SCHIP1: variants seen among roughly 807,000 people sequenced by gnomAD.
SCHIP1 encodes the protein schwannomin-interacting protein 1.
SCHIP1 carries 8 observed loss-of-function variants against 29.7 expected under a neutral mutation model. That is an observed-to-expected ratio of 0.27 (90% CI 0.16 to 0.49). The LOEUF (loss-of-function observed/expected upper bound fraction) is 0.49. Ranked by LOEUF, SCHIP1 falls within the 20% of genes least tolerant of loss-of-function variation. SCHIP1 has a pLI of 0.99. For missense variants in SCHIP1, 193 were observed against 294.6 expected (o/e 0.66, Z 2.52); for synonymous variants, 76 against 94.9 (o/e 0.80, Z 1.16).
the SCHIP1 span, among the ~76,000 whole-genome samples, chr3:159,467,036 T>C: frequency 1.3e-5 from 2 of 152,250 alleles, no homozygotes; most frequent in South Asian, 4.1e-4. Context: ...TTCCTGTTAA[T>C]ATAAAACCTC....
the SCHIP1 span, among the ~76,000 whole-genome samples, chr3:159,521,415 A>G: frequency 2.0e-5 from 3 of 152,246 alleles, no homozygotes; most frequent in Non-Finnish European, 4.4e-5. Context: ...TTAAAATCAG[A>G]AGAAAAAATC....
the SCHIP1 span, among the ~76,000 whole-genome samples, chr3:159,657,085 T>G: frequency 6.6e-6 from 1 of 152,212 alleles, no homozygotes; most frequent in Non-Finnish European, 1.5e-5. Flanking sequence ...TGGTTTCCCC[T>G]GTACTACCAC....
At chr3:159,341,641 G>T in the SCHIP1 span, among the ~76,000 whole-genome samples, 2 of 152,146 alleles carry the variant, frequency 1.3e-5, no homozygotes, top group Non-Finnish European at 2.9e-5. Context: ...TGAAGGGTTT[G>T]CCACTTTCTC....
intron 2 of SCHIP1, among the ~76,000 whole-genome samples, chr3:159,874,394 C>T (rs962076652): frequency 1.3e-5 from 2 of 152,152 alleles, no homozygotes; most frequent in Non-Finnish European, 2.9e-5. Flanking sequence ...ATCACCCAAT[C>T]AAAACTCATT....
chr3:159,787,113 A>C, the SCHIP1 span, among the ~76,000 whole-genome samples: 1 of 152,204 alleles, frequency 6.6e-6, no homozygotes, highest in African/African-American at 2.4e-5. Context: ...TTTAGTAAAA[A>C]GATGAGAACA....
chr3:159,781,797 A>AG, the SCHIP1 span, among the ~76,000 whole-genome samples: 2 of 152,164 alleles, frequency 1.3e-5, no homozygotes, highest in Non-Finnish European at 1.5e-5. Flanking sequence ...ACCTGACCTA[A>AG]GGAGTCACTT....
chr3:159,471,796 A>G, the SCHIP1 span, among the ~76,000 whole-genome samples: 25 of 152,276 alleles, frequency 1.6e-4, no homozygotes, highest in East Asian at 1.9e-4. Context: ...AAGTAAATGT[A>G]ACTAGTGGAA....
the SCHIP1 span, among the ~76,000 whole-genome samples, chr3:159,382,957 TG>T: frequency 6.7e-6 from 1 of 150,362 alleles, no homozygotes; most frequent in African/African-American, 2.4e-5. Context: ...TGGGGTTGTT[TG>T]TTTTTTTCTT....
At chr3:159,439,178 C>G in the SCHIP1 span, among the ~76,000 whole-genome samples, 2 of 152,108 alleles carry the variant, frequency 1.3e-5, no homozygotes, top group Non-Finnish European at 1.5e-5. Flanking sequence ...TTAGTAACCG[C>G]CATTCTGACT....
At chr3:159,283,723 A>AT in the SCHIP1 span, among the ~76,000 whole-genome samples, 1 of 152,102 alleles carries the variant, frequency 6.6e-6, no homozygotes, top group Admixed American at 6.6e-5. Flanking sequence ...GTACTTCAGA[A>AT]TTTTTTTAGT....
the SCHIP1 span, among the ~76,000 whole-genome samples, chr3:159,666,118 C>T: frequency 2.6e-5 from 4 of 152,178 alleles, no homozygotes; most frequent in Admixed American, 2.6e-4. Flanking sequence ...ACTCCAATCC[C>T]AGTCAGTAGT....
At chr3:159,406,183 T>C in the SCHIP1 span, among the ~76,000 whole-genome samples, 1 of 151,434 alleles carries the variant, frequency 6.6e-6, no homozygotes, top group Non-Finnish European at 1.5e-5. Flanking sequence ...ATAATTAAAC[T>C]CCCAAAGGTC....
the SCHIP1 span, among the ~76,000 whole-genome samples, chr3:159,787,518 C>G: frequency 6.6e-6 from 1 of 152,332 alleles, no homozygotes; most frequent in African/African-American, 2.4e-5. Context: ...TAATGAATGT[C>G]TTTCCTTGTA....
chr3:159,345,485 G>A, the SCHIP1 span, among the ~76,000 whole-genome samples: 7 of 152,156 alleles, frequency 4.6e-5, no homozygotes, highest in Non-Finnish European at 1.5e-5. Flanking sequence ...CCAAGGCAGA[G>A]CCAGGAAGGT....
chr3:159,533,155 G>C, the SCHIP1 span, among the ~76,000 whole-genome samples: 46 of 152,264 alleles, frequency 3.0e-4, no homozygotes, highest in South Asian at 1.2e-3. Context: ...AAAGGAAAAA[G>C]AGCACATGGC....
chr3:159,709,420 T>C, the SCHIP1 span, among the ~76,000 whole-genome samples: 1 of 152,154 alleles, frequency 6.6e-6, no homozygotes, highest in South Asian at 2.1e-4. Flanking sequence ...TGAATTATAA[T>C]TATTTCAAAA....
chr3:159,428,936 T>C, the SCHIP1 span, among the ~76,000 whole-genome samples: 1 of 151,372 alleles, frequency 6.6e-6, no homozygotes, highest in Non-Finnish European at 1.5e-5. Flanking sequence ...CTCAGTAAAC[T>C]ATCGCAAGAA....
the SCHIP1 span, among the ~76,000 whole-genome samples, chr3:159,584,924 G>C: frequency 6.6e-6 from 1 of 151,780 alleles, no homozygotes. Flanking sequence ...CCCTGACTTG[G>C]GACCTTTGCA....
chr3:159,366,935 A>T, the SCHIP1 span, among the ~76,000 whole-genome samples: 1 of 152,198 alleles, frequency 6.6e-6, no homozygotes, highest in African/African-American at 2.4e-5. Flanking sequence ...AAATATTTCA[A>T]TGCCCCTGGA....
Sources: gnomAD v4.1 joint callset for allele counts (sites outside exome capture counted in the v4.1 genomes callset) on GRCh38, gnomAD v4.1.1 for gene constraint, MANE v1.5 for transcripts, NCBI Gene and HGNC (gene_info 2026-07-23, HGNC 2026-07-21) for gene names.